SLFN12L: variants seen among roughly 807,000 people sequenced by gnomAD.
SLFN12L encodes schlafen family member 12 like.
Under a neutral mutation model 34.8 loss-of-function variants are expected in SLFN12L, and 34 were observed. The observed-to-expected ratio is 0.98, with a 90% CI of 0.74 to 1.30. SLFN12L has a LOEUF of 1.30. Among genes scored for constraint, SLFN12L ranks in the 50% most tolerant of loss-of-function variants. The pLI, the probability that SLFN12L is intolerant of heterozygous loss-of-function variation, is 0.00. For missense variants in SLFN12L, 703 were observed against 696.2 expected, an observed-to-expected ratio of 1.01 and a Z score of -0.11; for synonymous variants, 259 against 247.5, an observed-to-expected ratio of 1.05 and a Z score of -0.44.
intron 2 of SLFN12L, chr17:35,488,004 A>C: frequency 1.5e-6 from 1 of 654,118 alleles, no homozygotes; most frequent in Non-Finnish European, 2.8e-6. Context: ...CTTAGGAGAT[A>C]GAGACCATCC....
rs1018512462 is a variant in SLFN12L, at chr17:35,473,724, A to T, written c.*1199T>A. 6.6e-6 allele frequency: 1 copy of T among 152,184 alleles called. No individual in the cohort carries two copies. The highest frequency in any genetic ancestry group is 1.5e-5 in the Non-Finnish European group (1 of 68,028). 9.4% of individuals were successfully genotyped at this position (152,184 alleles called of 1,614,324 possible). ...TATTGTTTGGAATAGTTTCAGTAGA[A>T]ATGGTACCAGCTCCTCTTTGTACCT... On this transcript the variant is annotated 3_prime_UTR_variant, in exon 5 of 5. Coordinates refer to ENST00000628453, the MANE Select transcript of SLFN12L (RefSeq NM_001363830.2).
intron 2 of SLFN12L, chr17:35,487,688 G>A: frequency 6.6e-7 from 1 of 1,521,464 alleles, no homozygotes; most frequent in Non-Finnish European, 8.8e-7. Flanking sequence ...TATTTTCTAA[G>A]GCGAAAAAAA....
rs765358609 is a variant in SLFN12L, at chr17:35,465,557, T to G, written c.*9366A>C. Among the ~76,000 whole-genome samples the G allele has an allele frequency of 6.6e-6, 1 of 151,978 alleles. No homozygotes were observed. The highest frequency in any genetic ancestry group is 1.9e-4 in the East Asian group (1 of 5,188). ...TTCAATGTAAGTTAAAATAGGCCCT[T>G]GAAGGATTGAAAGTTGTTACATAAA... On this transcript the variant is annotated 3_prime_UTR_variant, in exon 5 of 5. Coordinates refer to ENST00000628453, the MANE Select transcript of SLFN12L (RefSeq NM_001363830.2).
chr17:35,490,329 C>T (rs1245102753), intron 2 of SLFN12L: 1 of 1,406,714 alleles, frequency 7.1e-7, no homozygotes, highest in African/African-American at 1.4e-5. Context: ...CCAAAAACTC[C>T]AAAATCTACC....
intron 2 of SLFN12L, chr17:35,515,156 C>T (rs1473108666): frequency 4.8e-6 from 3 of 625,024 alleles, no homozygotes; most frequent in Non-Finnish European, 9.4e-6. Context: ...GCCCCGAATA[C>T]TCCAGCGGCG....
chr17:35,490,251 A>T lies in SLFN12L; in HGVS notation c.87-10056T>A, dbSNP rs35377459. On this transcript the variant is annotated intron_variant, in intron 2 of 4. Transcript: ENST00000628453. ...CTGGAGCTAGGAGAAAGCGGTCATC[A>T]GTACCTCTCGGATGGTTCAAAAACC... The T allele has an allele frequency of 1.4e-3, 2,127 of 1,540,336 alleles. 37 individuals carry two copies. The African/African-American group carries it at 0.025, about 18-fold the overall frequency.
chr17:35,484,241 A>G (rs892385303), intron 2 of SLFN12L, among the ~76,000 whole-genome samples: 2 of 152,024 alleles, frequency 1.3e-5, no homozygotes, highest in South Asian at 2.1e-4. Context: ...ACTCTCTGCT[A>G]CTCCCACATA....
At position 35,490,104 on chromosome 17, in the gene SLFN12L, G is replaced by A. The variant is rs769596974; in HGVS notation, c.87-9909C>T. On this transcript the variant is annotated intron_variant, in intron 2 of 4. Transcript: ENST00000628453. Reference sequence around the variant, plus strand: ...GGCCCCCTCCTCCCCAGTGCCCCAGGCGCGGAGCAGACCGCCGGCAACCTC... The same window carrying A: ...GGCCCCCTCCTCCCCAGTGCCCCAGACGCGGAGCAGACCGCCGGCAACCTC... The A allele has an allele frequency of 1.2e-5, 20 of 1,606,272 alleles. No homozygotes were observed. The Middle Eastern group carries it at 4.9e-4, about 40-fold the overall frequency.
intron 2 of SLFN12L, among the ~76,000 whole-genome samples, chr17:35,495,900 AACACACACACACACACACAC>A (rs58553128): frequency 3.0e-4 from 41 of 138,064 alleles, no homozygotes; most frequent in South Asian, 2.7e-3. Flanking sequence ...GCCGATTTGA[AACACACACACACACACACAC>A]ACACACACAC....
At chr17:35,509,068 G>C (rs1366941124) in intron 2 of SLFN12L, among the ~76,000 whole-genome samples, 4 of 152,212 alleles carry the variant, frequency 2.6e-5, no homozygotes, top group African/African-American at 9.6e-5. Flanking sequence ...AAGAAATTAA[G>C]TATGGCTGGA....
intron 2 of SLFN12L, chr17:35,490,396 C>T: frequency 2.3e-6 from 3 of 1,296,970 alleles, no homozygotes; most frequent in Non-Finnish European, 3.4e-6. Flanking sequence ...GTTCATTCAG[C>T]TCCTGAACCA....
rs147447742 is a variant in SLFN12L, at chr17:35,473,250, C to T, written c.*1673G>A. Among the ~76,000 whole-genome samples the T allele has an allele frequency of 1.1e-3, 173 of 152,262 alleles. No individual in the cohort carries two copies. Among genetic ancestry groups the T allele is most frequent in the Non-Finnish European group, 2.2e-3 (152 of 68,030 alleles). On this transcript the variant is annotated 3_prime_UTR_variant, in exon 5 of 5. Coordinates refer to ENST00000628453, the MANE Select transcript of SLFN12L (RefSeq NM_001363830.2). ...TGCCAATTTTCAAAGGGAATGCTTC[C>T]AGGTTTTGCCCATTCAGTATGATAT...
chr17:35,492,380 C>T (rs1475443988), intron 2 of SLFN12L, among the ~76,000 whole-genome samples: 1 of 152,164 alleles, frequency 6.6e-6, no homozygotes, highest in Admixed American at 6.5e-5. Flanking sequence ...CCTTGGGCTT[C>T]CTGGGCCCCT....
chr17:35,488,436 C>T (rs1914697036), intron 2 of SLFN12L, among the ~76,000 whole-genome samples: 1 of 152,204 alleles, frequency 6.6e-6, no homozygotes, highest in South Asian at 2.1e-4. Context: ...ATCTTGCGGC[C>T]TTCTAGGCCA....
In SLFN12L at chr17:35,522,856, T is replaced by G; in HGVS notation, c.-492A>C. On this transcript the variant is annotated 5_prime_UTR_variant, in exon 2 of 5. Transcript: ENST00000628453. ...GCCTAGCTTCTAGAGAGGATCACAA[T>G]TCCCCAGGAGAAAGGTTGGGTTTGC... 2.1e-6 allele frequency: 2 copies of G among 974,360 alleles called. No homozygotes were observed. The highest frequency in any genetic ancestry group is 3.2e-6 in the Non-Finnish European group (2 of 626,238). The allele number at this position is 974,360 out of a possible 1,614,324, so 60.4% of individuals were successfully genotyped here.
chr17:35,530,671 A>G (rs1404554707), intron 1 of SLFN12L, among the ~76,000 whole-genome samples: 2 of 152,076 alleles, frequency 1.3e-5, no homozygotes, highest in Non-Finnish European at 2.9e-5. Context: ...AAGGAACATC[A>G]ATGATTCTTA....
At chr17:35,476,384 T>C (rs974858839) in intron 4 of SLFN12L, among the ~76,000 whole-genome samples, 2 of 151,370 alleles carry the variant, frequency 1.3e-5, no homozygotes, top group African/African-American at 4.9e-5. Context: ...GTGGATTGCT[T>C]GAGCCCAGGA....
chr17:35,536,129 A>G (rs1006695574), intron 1 of SLFN12L, among the ~76,000 whole-genome samples: 4 of 152,158 alleles, frequency 2.6e-5, no homozygotes, highest in South Asian at 2.1e-4. Flanking sequence ...AAAAATCTAG[A>G]CTCTTAATCA....
chr17:35,495,942 C>CAT (rs1567665537), intron 2 of SLFN12L, among the ~76,000 whole-genome samples: 1 of 132,576 alleles, frequency 7.5e-6, no homozygotes, highest in African/African-American at 3.1e-5. Flanking sequence ...CACACACACA[C>CAT]ACACAACAAA....
Sources: gnomAD v4.1 joint callset for allele counts (sites outside exome capture counted in the v4.1 genomes callset) on GRCh38, gnomAD v4.1.1 for gene constraint, MANE v1.5 for transcripts, NCBI Gene and HGNC (gene_info 2026-07-23, HGNC 2026-07-21) for gene names.